The following PLEKHA1 variants were observed in gnomAD, a reference collection of about 807,000 sequenced individuals.
PLEKHA1 encodes the protein pleckstrin homology domain containing A1.
Under a neutral mutation model 52.0 loss-of-function variants are expected in PLEKHA1, and 34 were observed. The ratio of observed to expected loss-of-function variants is 0.65; its 90% CI spans 0.50 to 0.87. PLEKHA1 has a LOEUF of 0.87. Ranked by LOEUF, PLEKHA1 falls within the 40% of genes least tolerant of loss-of-function variation. The probability of loss-of-function intolerance (pLI) is 0.00; values close to 1 mark genes in which losing one functional copy is unlikely to be tolerated. For synonymous variants in PLEKHA1, 163 were observed against 170.7 expected (o/e 0.95, Z 0.35); for missense variants, 497 against 504.2 (o/e 0.99, Z 0.14).
chr10:122,438,507 GTC>G, the PLEKHA1 span: 1 of 152,222 alleles, frequency 6.6e-6, no homozygotes, highest in Non-Finnish European at 1.5e-5. Flanking sequence ...GGAGGGGTAA[GTC>G]TCTGAAAGTC....
chr10:122,404,502 C>T (rs1480474866), intron 4 of PLEKHA1, among the ~76,000 whole-genome samples: 1 of 152,092 alleles, frequency 6.6e-6, no homozygotes, highest in African/African-American at 2.4e-5. Context: ...CCCAAAATAA[C>T]ATTGAGGGGA....
In PLEKHA1 at chr10:122,393,106, T is replaced by C; in HGVS notation, c.-20-75T>C. The C allele has an allele frequency of 8.1e-7, 1 of 1,227,214 alleles. No homozygotes were observed. The highest frequency in any genetic ancestry group is 1.1e-6 in the Non-Finnish European group (1 of 906,144). 76.0% of individuals were successfully genotyped at this position (1,227,214 alleles called of 1,614,324 possible). On this transcript the variant is annotated intron_variant, in intron 1 of 11. Transcript: ENST00000368990. The surrounding 1 kb of genome is among the most constrained non-coding windows in gnomAD (Gnocchi z 4.5). Reference sequence around the variant, plus strand: ...TAATGTTGGCAAGTTGCCCCCTCATTGAACAGATTTGCAGTCCATGAGAAA... The same window carrying C: ...TAATGTTGGCAAGTTGCCCCCTCATCGAACAGATTTGCAGTCCATGAGAAA...
intron 10 of PLEKHA1, chr10:122,425,174 C>CT (rs2097320321): frequency 5.4e-6 from 2 of 368,724 alleles, no homozygotes; most frequent in Non-Finnish European, 9.6e-6. Context: ...TGAACTAGAA[C>CT]TAAGTATTTA....
At chr10:122,414,008 C>G (rs1397867171) in intron 6 of PLEKHA1, among the ~76,000 whole-genome samples, 4 of 152,054 alleles carry the variant, frequency 2.6e-5, no homozygotes, top group African/African-American at 9.7e-5. Flanking sequence ...TGAGTGCTTT[C>G]TTTATGCTTG....
At position 122,431,098 on chromosome 10, in the gene PLEKHA1, AATTATAGACCAG is replaced by A. The variant is rs1469569110; in HGVS notation, c.*1161_*1172del. 1.3e-5 allele frequency: 2 copies of A among 151,848 alleles called. No individual in the cohort carries two copies. Among genetic ancestry groups the A allele is most frequent in the Non-Finnish European group, 2.9e-5 (2 of 67,976 alleles). 9.4% of individuals were successfully genotyped at this position (151,848 alleles called of 1,614,324 possible). A position where few individuals can be genotyped will look rare whatever the true frequency, so the allele number is the denominator to read the frequency against. ...AAAGAATCTTTAGTTTCCGACGTTG[AATTATAGACCAG>A]TTTGAGTAAGTACTGCTTTTTTTTT... On this transcript the variant is annotated 3_prime_UTR_variant, in exon 12 of 12. Coordinates refer to ENST00000368990, the MANE Select transcript of PLEKHA1 (RefSeq NM_001001974.4).
At chr10:122,377,072 A>G (rs2096548822) in intron 1 of PLEKHA1, among the ~76,000 whole-genome samples, 1 of 152,194 alleles carries the variant, frequency 6.6e-6, no homozygotes, top group Admixed American at 6.5e-5. Context: ...ATTGTGTGAT[A>G]ATTTGTAACC....
At chr10:122,419,155 T>C (rs2097220915) in intron 8 of PLEKHA1, 2 of 152,300 alleles carry the variant, frequency 1.3e-5, no homozygotes, top group South Asian at 4.1e-4. Context: ...TGTCTTCTCT[T>C]TATATGCCCT....
chr10:122,398,091 C>A, intron 3 of PLEKHA1, 117 bp downstream of exon 3: 1 of 740,896 alleles, frequency 1.3e-6, no homozygotes, highest in South Asian at 2.2e-5. Flanking sequence ...AGATTCCTAT[C>A]ATACTGAAAT....
intron 1 of PLEKHA1, among the ~76,000 whole-genome samples, chr10:122,384,975 T>A (rs1209291618): frequency 2.0e-5 from 3 of 152,130 alleles, no homozygotes; most frequent in Admixed American, 6.5e-5. Context: ...AATTTTTTTT[T>A]AAATTGGTAC....
At chr10:122,429,141 G>A (rs145478100) in intron 11 of PLEKHA1, among the ~76,000 whole-genome samples, 213 of 152,202 alleles carry the variant, frequency 1.4e-3, no homozygotes, top group Middle Eastern at 3.4e-3. Context: ...AAGATGATTC[G>A]TGCTTATTAA....
downstream of PLEKHA1, chr10:122,436,526 A>G (rs956657869): frequency 1.3e-5 from 2 of 152,242 alleles, no homozygotes; most frequent in Non-Finnish European, 2.9e-5. Context: ...GGTTTTTTCC[A>G]TGTGGAGAAG....
chr10:122,380,852 G>T (rs1251666365), intron 1 of PLEKHA1, among the ~76,000 whole-genome samples: 1 of 152,104 alleles, frequency 6.6e-6, no homozygotes, highest in Non-Finnish European at 1.5e-5. Context: ...TCTGATAAGT[G>T]GCCAAGGTTG....
intron 10 of PLEKHA1, chr10:122,425,221 T>C (rs915354903): frequency 6.8e-5 from 20 of 294,706 alleles, no homozygotes; most frequent in Admixed American, 1.0e-4. Flanking sequence ...ATGTTAAGTG[T>C]GTACTTTCAA....
intron 8 of PLEKHA1, chr10:122,421,581 A>G (rs994090253): frequency 1.3e-5 from 2 of 152,140 alleles, no homozygotes; most frequent in African/African-American, 2.4e-5. Flanking sequence ...GTTCAGGAAA[A>G]TCAGTTCTTT....
chr10:122,420,548 G>A (rs1796479836), intron 8 of PLEKHA1: 1 of 152,126 alleles, frequency 6.6e-6, no homozygotes, highest in African/African-American at 2.4e-5. Context: ...ATCTCAGTGT[G>A]TATCTCTAAA....
At position 122,415,957 on chromosome 10, in the gene PLEKHA1, T is replaced by C. The variant is rs572546223; in HGVS notation, c.567T>C (p.Asp189=). Residue 189 remains aspartate (D), a synonymous_variant, in exon 7 of 12, where the codon GAT becomes GAC. Transcript: ENST00000368990. The part of the protein sequence containing the change: ...LPYFTPKPPQ[D]SAVIKAGYCV... ...ACTTTACTCCTAAACCACCTCAAGA[T>C]AGTGCGGTTATCAAAGCTGGATATT... 3.7e-6 allele frequency: 6 copies of C among 1,613,536 alleles called. No homozygotes were observed. The highest frequency in any genetic ancestry group is 3.3e-5 in the South Asian group (3 of 91,020).
chr10:122,378,964 CAAGAA>C (rs975830801), intron 1 of PLEKHA1, among the ~76,000 whole-genome samples: 1 of 151,946 alleles, frequency 6.6e-6, no homozygotes, highest in Admixed American at 6.6e-5. Flanking sequence ...ACAAATGTGT[CAAGAA>C]GAGAAGTAGA....
intron 11 of PLEKHA1, chr10:122,428,241 G>T: frequency 6.7e-7 from 1 of 1,500,340 alleles, no homozygotes. Flanking sequence ...CCCAGTATAG[G>T]TTAACTCTAA....
downstream of PLEKHA1, chr10:122,435,380 C>A (rs1383771713): frequency 6.6e-6 from 1 of 152,124 alleles, no homozygotes; most frequent in African/African-American, 2.4e-5. Context: ...TTTTTTGATA[C>A]ATTTAATAGT....
Sources: allele counts gnomAD v4.1 joint callset (sites outside exome capture counted in the v4.1 genomes callset), GRCh38; gene constraint gnomAD v4.1.1; non-coding constraint Gnocchi (gnomAD v3.1); transcripts MANE v1.5; gene names NCBI Gene and HGNC (gene_info 2026-07-23, HGNC 2026-07-21).